OR4N2: variants seen among roughly 807,000 people sequenced by gnomAD.
OR4N2 encodes the protein olfactory receptor 4N2.
For missense variants in OR4N2, 307 were observed against 377.6 expected, an observed-to-expected ratio of 0.81 and a Z score of 1.55; for synonymous variants, 141 against 140.4, an observed-to-expected ratio of 1.00 and a Z score of -0.03.
chr14:19,824,742 T>C (rs1879649769), intron 1 of OR4N2, among the ~76,000 whole-genome samples: 1 of 152,290 alleles, frequency 6.6e-6, no homozygotes, highest in Non-Finnish European at 1.5e-5. Context: ...ATTTATATCT[T>C]CCTTTCCTTA....
rs547946608 is a variant in OR4N2 at position 19,809,895 on chromosome 14, C to A, written c.-10+6051C>A. 2.0e-3 allele frequency among the ~76,000 whole-genome samples: 301 copies of A among 152,230 alleles called. 2 individuals carry two copies. The South Asian group carries it at 0.02, about 10-fold the overall frequency. ...AATGTAAAACCCCAAACTGTAAAAACCCCAGAAGATAACCTAGGAAATTCC... is the reference window on the plus strand; with the variant it reads ...AATGTAAAACCCCAAACTGTAAAAAACCCAGAAGATAACCTAGGAAATTCC... On this transcript the variant is annotated intron_variant, in intron 1 of 1. Coordinates refer to ENST00000557677, the MANE Select transcript of OR4N2 (RefSeq NM_001004723.3).
At chr14:19,805,092 C>T (rs1344781153) in intron 1 of OR4N2, among the ~76,000 whole-genome samples, 3 of 152,154 alleles carry the variant, frequency 2.0e-5, no homozygotes. Flanking sequence ...GATGTCATTG[C>T]ATGTGAGATG....
rs567719699 is a variant in OR4N2 at position 19,813,947 on chromosome 14, T to C, written c.-10+10103T>C. 4.6e-5 allele frequency among the ~76,000 whole-genome samples: 7 copies of C among 151,942 alleles called. No homozygotes were observed. The South Asian group carries it at 1.5e-3, about 31-fold the overall frequency. On this transcript the variant is annotated intron_variant, in intron 1 of 1. Coordinates refer to ENST00000557677, the MANE Select transcript of OR4N2 (RefSeq NM_001004723.3). ...ATTTTGATTATTGTAAATTTTTCTG[T>C]ACTTCTCTCTCTCTCTTTTCTTCTT...
chr14:19,820,106 G>C (rs1435678155), intron 1 of OR4N2, among the ~76,000 whole-genome samples: 3 of 152,232 alleles, frequency 2.0e-5, no homozygotes, highest in Non-Finnish European at 4.4e-5. Flanking sequence ...GAGATCTCCT[G>C]TATGAGGTGT....
rs1879804643 is a variant in OR4N2 at position 19,829,190 on chromosome 14, T to C, written c.*818T>C. 1.3e-5 allele frequency: 2 copies of C among 152,258 alleles called. No individual in the cohort carries two copies. The allele number at this position is 152,258 out of a possible 1,614,324, so 9.4% of individuals were successfully genotyped here. A position where few individuals can be genotyped will look rare whatever the true frequency, so the allele number is the denominator to read the frequency against. ...GCAGAGAGTGGCAAAAGAAAGCTGGTTACTTTTACTGAAAAAGATCACAAA... is the reference window on the plus strand; with the variant it reads ...GCAGAGAGTGGCAAAAGAAAGCTGGCTACTTTTACTGAAAAAGATCACAAA... On this transcript the variant is annotated 3_prime_UTR_variant, in exon 2 of 2. Coordinates refer to ENST00000557677, the MANE Select transcript of OR4N2 (RefSeq NM_001004723.3).
At chr14:19,819,269 C>T (rs184053795) in intron 1 of OR4N2, among the ~76,000 whole-genome samples, 1 of 152,364 alleles carries the variant, frequency 6.6e-6, no homozygotes, top group East Asian at 1.9e-4. Context: ...GGATAATATC[C>T]TGAAGAGTGT....
At position 19,829,368 on chromosome 14, in the gene OR4N2, A is replaced by G. The variant is rs1488706592; in HGVS notation, c.*996A>G. On this transcript the variant is annotated 3_prime_UTR_variant, in exon 2 of 2. Transcript: ENST00000557677. ...GAGCAATCAGGATTTTGTGTCAGAG[A>G]CAAGAAACCATTCTAGCTATTTTAA... 1 of 152,286 alleles carries G rather than the reference A, an allele frequency of 6.6e-6. No individual in the cohort carries two copies. The highest frequency in any genetic ancestry group is 2.4e-5 in the African/African-American group (1 of 41,470). 9.4% of individuals were successfully genotyped at this position (152,286 alleles called of 1,614,324 possible). A position where few individuals can be genotyped will look rare whatever the true frequency, so the allele number is the denominator to read the frequency against.
intron 1 of OR4N2, among the ~76,000 whole-genome samples, chr14:19,812,203 T>C (rs1342703600): frequency 6.6e-6 from 1 of 152,072 alleles, no homozygotes; most frequent in Non-Finnish European, 1.5e-5. Context: ...GATTTTTTTA[T>C]ATAAAGTGTT....
intron 1 of OR4N2, among the ~76,000 whole-genome samples, chr14:19,816,537 T>C (rs953959973): frequency 6.6e-6 from 1 of 152,270 alleles, no homozygotes; most frequent in Non-Finnish European, 1.5e-5. Flanking sequence ...TTTTTGCACA[T>C]TGATTTTGTA....
intron 1 of OR4N2, among the ~76,000 whole-genome samples, chr14:19,826,037 A>T (rs185101531): frequency 3.5e-4 from 53 of 152,362 alleles, no homozygotes; most frequent in African/African-American, 1.3e-3. Context: ...TATAAAGTAT[A>T]TATAAACCAT....
At chr14:19,805,414 A>G (rs1380742678) in intron 1 of OR4N2, among the ~76,000 whole-genome samples, 1 of 152,220 alleles carries the variant, frequency 6.6e-6, no homozygotes, top group Non-Finnish European at 1.5e-5. Context: ...GAAACTCTAG[A>G]GTTAAAAATT....
intron 1 of OR4N2, among the ~76,000 whole-genome samples, chr14:19,808,841 AAAT>A (rs1470983973): frequency 6.6e-6 from 1 of 152,198 alleles, no homozygotes; most frequent in Non-Finnish European, 1.5e-5. Context: ...AAAGTAAAAA[AAAT>A]GAAACTAGAG....
At chr14:19,811,837 C>A (rs1879304157) in intron 1 of OR4N2, among the ~76,000 whole-genome samples, 1 of 152,206 alleles carries the variant, frequency 6.6e-6, no homozygotes, top group South Asian at 2.1e-4. Flanking sequence ...CCTATAGCAA[C>A]CATTATAACA....
chr14:19,821,616 A>G (rs1295690925), intron 1 of OR4N2, among the ~76,000 whole-genome samples: 2 of 152,238 alleles, frequency 1.3e-5, no homozygotes. Context: ...GGACTAAAAA[A>G]TATGCTTCTG....
At chr14:19,826,867 G>T (rs1221694647) in intron 1 of OR4N2, among the ~76,000 whole-genome samples, 2 of 152,216 alleles carry the variant, frequency 1.3e-5, no homozygotes, top group African/African-American at 4.8e-5. Flanking sequence ...TGGGAAAAGA[G>T]TATACAAGGA....
At chr14:19,820,341 T>C (rs1225837319) in intron 1 of OR4N2, among the ~76,000 whole-genome samples, 5 of 152,284 alleles carry the variant, frequency 3.3e-5, no homozygotes, top group Non-Finnish European at 5.9e-5. Context: ...TGAATTTGTC[T>C]GCTCTTAATT....
intron 1 of OR4N2, among the ~76,000 whole-genome samples, chr14:19,810,542 T>C (rs1879270697): frequency 6.6e-6 from 1 of 152,260 alleles, no homozygotes; most frequent in Non-Finnish European, 1.5e-5. Flanking sequence ...TGCACACATA[T>C]GTTCAACACA....
At chr14:19,819,422 T>C (rs1879507932) in intron 1 of OR4N2, among the ~76,000 whole-genome samples, 1 of 152,266 alleles carries the variant, frequency 6.6e-6, no homozygotes, top group Admixed American at 6.5e-5. Context: ...CGTCACGCTT[T>C]ATTTCATTAA....
In OR4N2 at chr14:19,809,152, C is replaced by CAAA. The variant is rs368220229; in HGVS notation, c.-10+5318_-10+5320dup. Among the ~76,000 whole-genome samples, 70 of 138,894 alleles carry CAAA rather than the reference C, an allele frequency of 5.0e-4. 1 individual carries two copies. Among genetic ancestry groups the CAAA allele is most frequent in the Middle Eastern group, 3.5e-3 (1 of 282 alleles). The allele number at this position is 138,894 out of a possible 152,430, so 91.1% of individuals were successfully genotyped here. ...GCTGGGATAACTGGCTAGCCAGATA[C>CAAA]AAAAAAAAAAAATGAAACTTGACCC... On this transcript the variant is annotated intron_variant, in intron 1 of 1. Coordinates refer to ENST00000557677, the MANE Select transcript of OR4N2 (RefSeq NM_001004723.3).
Sources: gnomAD v4.1 joint callset for allele counts (sites outside exome capture counted in the v4.1 genomes callset) on GRCh38, gnomAD v4.1.1 for gene constraint, MANE v1.5 for transcripts, NCBI Gene and HGNC (gene_info 2026-07-23, HGNC 2026-07-21) for gene names.